Variants in GSG1L observed in about 807,000 individuals in gnomAD.
GSG1L encodes the protein GSG1 like, also known as germ cell-specific gene 1-like protein.
Under a neutral mutation model 42.1 loss-of-function variants are expected in GSG1L, and 24 were observed. The observed-to-expected ratio is 0.57, with a 90% confidence interval of 0.41 to 0.80. The LOEUF (loss-of-function observed/expected upper bound fraction) is 0.80. GSG1L is among the 30% of genes least tolerant of loss of function. The probability of loss-of-function intolerance (pLI) is 0.00; values close to 1 mark genes in which losing one functional copy is unlikely to be tolerated. For synonymous variants in GSG1L, 215 were observed against 203.5 expected, an observed-to-expected ratio of 1.06 and a Z score of -0.48; for missense variants, 445 against 472.2, an observed-to-expected ratio of 0.94 and a Z score of 0.53.
At chr16:28,030,870 G>A in intron 1 of GSG1L, among the ~76,000 whole-genome samples, 1 of 149,904 alleles carries the variant, frequency 6.7e-6, no homozygotes, top group Admixed American at 6.6e-5. Context: ...GGATGGGATG[G>A]GATGGGATGG....
chr16:27,958,456 G>C (rs576376221), intron 2 of GSG1L, among the ~76,000 whole-genome samples: 1 of 150,668 alleles, frequency 6.6e-6, no homozygotes, highest in Admixed American at 6.6e-5. Flanking sequence ...GTCATCATGC[G>C]ATAGAATATC....
At chr16:27,940,885 T>TAAAAAA (rs1212601102) in intron 2 of GSG1L, among the ~76,000 whole-genome samples, 1 of 151,222 alleles carries the variant, frequency 6.6e-6, no homozygotes, top group Non-Finnish European at 1.5e-5. Flanking sequence ...AAAATAAAAA[T>TAAAAAA]AAAAAATAAA....
chr16:27,979,566 CAAAAA>C (rs554553352), intron 1 of GSG1L, among the ~76,000 whole-genome samples: 1 of 96,554 alleles, frequency 1.0e-5, no homozygotes. Context: ...GAGAATCCAT[CAAAAA>C]AAAAAAAAAA....
chr16:27,802,628 G>A (rs1452136212), intron 6 of GSG1L, among the ~76,000 whole-genome samples: 1 of 151,970 alleles, frequency 6.6e-6, no homozygotes, highest in Non-Finnish European at 1.5e-5. Context: ...GAACCCCCAG[G>A]AGGTTAGGCC....
chr16:27,916,496 T>C (rs1488298650), intron 2 of GSG1L, among the ~76,000 whole-genome samples: 1 of 150,742 alleles, frequency 6.6e-6, no homozygotes, highest in Non-Finnish European at 1.5e-5. Flanking sequence ...CTTTTTTTTT[T>C]TTTTTTTGTA....
intron 5 of GSG1L, among the ~76,000 whole-genome samples, chr16:27,810,819 C>G (rs566020922): frequency 1.3e-5 from 2 of 152,210 alleles, no homozygotes; most frequent in South Asian, 4.1e-4. Context: ...TCCCGAGGAG[C>G]TGGGATCACA....
At position 27,789,807 on chromosome 16, in the gene GSG1L, A is replaced by G. The variant is rs981864501; in HGVS notation, c.*1563T>C. 1 of 148,114 alleles carries G rather than the reference A, an allele frequency of 6.8e-6. No individual in the cohort carries two copies. The highest frequency in any genetic ancestry group is 2.5e-5 in the African/African-American group (1 of 40,558). 9.2% of individuals were successfully genotyped at this position (148,114 alleles called of 1,614,324 possible). A position where few individuals can be genotyped will look rare whatever the true frequency, so the allele number is the denominator to read the frequency against. Reference sequence around the variant, plus strand: ...GAATGGATAGATAATGGATGGACAGATGATGGATGGATGGATGGGTGGATG... The same window carrying G: ...GAATGGATAGATAATGGATGGACAGGTGATGGATGGATGGATGGGTGGATG... On this transcript the variant is annotated 3_prime_UTR_variant, in exon 7 of 7. Coordinates refer to ENST00000447459, the MANE Select transcript of GSG1L (RefSeq NM_001109763.2).
At chr16:27,947,183 G>A (rs2084882532) in intron 2 of GSG1L, among the ~76,000 whole-genome samples, 1 of 152,134 alleles carries the variant, frequency 6.6e-6, no homozygotes, top group Non-Finnish European at 1.5e-5. Flanking sequence ...CTGGAGTGCA[G>A]TGGTGCAATC....
At chr16:28,041,716 C>T (rs775380084) in intron 1 of GSG1L, among the ~76,000 whole-genome samples, 3 of 152,312 alleles carry the variant, frequency 2.0e-5, no homozygotes, top group East Asian at 3.9e-4. Context: ...TTACCTGAAT[C>T]GTCTCACTTT....
intron 2 of GSG1L, among the ~76,000 whole-genome samples, chr16:27,947,357 G>A (rs1015309153): frequency 7.6e-6 from 1 of 132,058 alleles, no homozygotes; most frequent in Non-Finnish European, 1.6e-5. Flanking sequence ...GAAGAAGAAG[G>A]AGGAGGAGGA....
chr16:27,928,696 G>C (rs935820692), intron 2 of GSG1L, among the ~76,000 whole-genome samples: 2 of 152,152 alleles, frequency 1.3e-5, no homozygotes, highest in Non-Finnish European at 2.9e-5. Flanking sequence ...CGCCAAGCAG[G>C]CCCAGGCCTC....
At chr16:28,049,592 T>C (rs997136546) in intron 1 of GSG1L, among the ~76,000 whole-genome samples, 1 of 151,030 alleles carries the variant, frequency 6.6e-6, no homozygotes, top group Non-Finnish European at 1.5e-5. Flanking sequence ...AAGGCTGAGA[T>C]GGGAGGATCA....
intron 1 of GSG1L, among the ~76,000 whole-genome samples, chr16:27,981,427 G>C (rs1256614996): frequency 2.0e-5 from 3 of 152,130 alleles, no homozygotes; most frequent in African/African-American, 7.2e-5. Context: ...AATTCAGCTG[G>C]GGGAAAAAAA....
rs186578636 is a variant in GSG1L at position 28,023,109 on chromosome 16, A to T, written c.349+39967T>A. ...CTCCCAAAATGCGGGGATTGTATGT[A>T]TAAGCCACCACAGCTGGCCAGTATA... On this transcript the variant is annotated intron_variant, in intron 1 of 6. Coordinates refer to ENST00000447459, the MANE Select transcript of GSG1L (RefSeq NM_001109763.2). Among the ~76,000 whole-genome samples, 5 of 152,330 alleles carry T rather than the reference A, an allele frequency of 3.3e-5. No individual in the cohort carries two copies. The East Asian group carries it at 9.6e-4, about 29-fold the overall frequency.
At chr16:27,944,346 G>A (rs1194233270) in intron 2 of GSG1L, among the ~76,000 whole-genome samples, 1 of 152,138 alleles carries the variant, frequency 6.6e-6, no homozygotes, top group East Asian at 1.9e-4. Context: ...AATGGGCCGG[G>A]TGTGGTGGCT....
rs536436744 is a variant in GSG1L at position 27,807,065 on chromosome 16, C to T, written c.898+422G>A. 3.2e-4 allele frequency among the ~76,000 whole-genome samples: 49 copies of T among 152,318 alleles called. 1 individual carries two copies. In the South Asian group the frequency reaches 9.7e-3, roughly 30 times the overall value. ...CCCTAGATTCTGCCTCATGGTGTGC[C>T]CCACAGCAAAGTGTTTGAAGTGAAT... On this transcript the variant is annotated intron_variant, in intron 6 of 6. Transcript: ENST00000447459.
intron 6 of GSG1L, among the ~76,000 whole-genome samples, chr16:27,803,780 T>TAG (rs1357467124): frequency 0.019 from 1,566 of 83,062 alleles, 34 homozygotes; most frequent in African/African-American, 0.062. Flanking sequence ...TATATATATA[T>TAG]ATATATATAT....
In GSG1L at chr16:27,979,841, AAAGG is replaced by A. The variant is rs1317457612; in HGVS notation, c.350-16642_350-16639del. 5.3e-5 allele frequency among the ~76,000 whole-genome samples: 8 copies of A among 150,378 alleles called. No homozygotes were observed. The South Asian group carries it at 1.1e-3, about 20-fold the overall frequency. On this transcript the variant is annotated intron_variant, in intron 1 of 6. Transcript: ENST00000447459. ...AAGAAAGAAAGAGAGAGAGAGAGAG[AAAGG>A]AAGGAAGGAAAAGAGAAAGAAAGAA...
intron 2 of GSG1L, among the ~76,000 whole-genome samples, chr16:27,960,346 G>A (rs1311096919): frequency 1.3e-5 from 2 of 152,104 alleles, no homozygotes; most frequent in South Asian, 2.1e-4. Context: ...GGGATTACAG[G>A]AGCCAACGTG....
Sources: allele counts gnomAD v4.1 joint callset (sites outside exome capture counted in the v4.1 genomes callset), GRCh38; gene constraint gnomAD v4.1.1; transcripts MANE v1.5; gene names NCBI Gene and HGNC (gene_info 2026-07-23, HGNC 2026-07-21).